PCDH15: variants seen among roughly 807,000 people sequenced by gnomAD.
PCDH15 encodes the protein protocadherin related 15, also known as protocadherin-15.
PCDH15 carries 129 observed loss-of-function variants against 178.5 expected under a neutral mutation model. The ratio of observed to expected loss-of-function variants is 0.72; its 90% confidence interval spans 0.63 to 0.84. The LOEUF (loss-of-function observed/expected upper bound fraction) is 0.84. PCDH15 is among the 40% of genes least tolerant of loss of function. The pLI is 0.00. For missense variants in PCDH15, 2,230 were observed against 2,099.9 expected (o/e 1.06, Z -1.21); for synonymous variants, 800 against 732.0 (o/e 1.09, Z -1.50).
chr10:55,257,255 T>TA (rs1321662158), intron 1 of PCDH15, among the ~76,000 whole-genome samples: 4 of 152,080 alleles, frequency 2.6e-5, no homozygotes, highest in Admixed American at 2.0e-4. Context: ...CAAAGGTAGA[T>TA]AAAACCACAA....
intron 2 of PCDH15, among the ~76,000 whole-genome samples, chr10:54,560,003 G>A (rs2087888091): frequency 6.6e-6 from 1 of 151,930 alleles, no homozygotes; most frequent in Non-Finnish European, 1.5e-5. Flanking sequence ...TGTCTATTGG[G>A]AAAAGAGATC....
intron 1 of PCDH15, among the ~76,000 whole-genome samples, chr10:54,666,928 C>T (rs1279020651): frequency 1.3e-5 from 2 of 151,878 alleles, no homozygotes; most frequent in Non-Finnish European, 2.9e-5. Context: ...ATAAAAACAA[C>T]ATGATGGATC....
chr10:54,607,260 T>G (rs2092783323), intron 2 of PCDH15, among the ~76,000 whole-genome samples: 1 of 152,110 alleles, frequency 6.6e-6, no homozygotes, highest in Admixed American at 6.6e-5. Flanking sequence ...AAGATAATTA[T>G]AAGATTTAAA....
At chr10:55,284,048 T>C (rs1305388247) in intron 1 of PCDH15, among the ~76,000 whole-genome samples, 1 of 152,170 alleles carries the variant, frequency 6.6e-6, no homozygotes, top group Non-Finnish European at 1.5e-5. Context: ...GGAGTTCTCT[T>C]GTGAAACCCA....
At chr10:55,541,138 T>C (rs1377065611) in intron 2 of PCDH15, among the ~76,000 whole-genome samples, 1 of 152,076 alleles carries the variant, frequency 6.6e-6, no homozygotes, top group African/African-American at 2.4e-5. Context: ...TAAGAATACA[T>C]ATTCATTACT....
chr10:55,265,813 A>G (rs1363660660), intron 1 of PCDH15, among the ~76,000 whole-genome samples: 2 of 152,084 alleles, frequency 1.3e-5, no homozygotes, highest in South Asian at 2.1e-4. Flanking sequence ...TACATGCATT[A>G]CTCAGGCAGC....
chr10:55,110,994 G>A (rs758473025), intron 2 of PCDH15, among the ~76,000 whole-genome samples: 131 of 152,156 alleles, frequency 8.6e-4, no homozygotes, highest in Non-Finnish European at 6.9e-4. Flanking sequence ...CAATTAGACT[G>A]TAAATATAAA....
chr10:54,307,104 GTA>G (rs1170885233), intron 8 of PCDH15, among the ~76,000 whole-genome samples: 462 of 26,536 alleles, frequency 0.017, 67 homozygotes, highest in Middle Eastern at 0.019. Flanking sequence ...GTGTGTGTGT[GTA>G]TATATATATA....
At chr10:54,835,128 ACTC>A (rs1275071436) in intron 3 of PCDH15, among the ~76,000 whole-genome samples, 1 of 152,188 alleles carries the variant, frequency 6.6e-6, no homozygotes. Flanking sequence ...TTGGTCACCC[ACTC>A]AATAATAATA....
intron 2 of PCDH15, among the ~76,000 whole-genome samples, chr10:54,910,369 C>T (rs573341563): frequency 1.3e-5 from 2 of 152,220 alleles, no homozygotes; most frequent in Admixed American, 6.5e-5. Context: ...AAAGATAAAC[C>T]GGAATTACAA....
chr10:54,343,838 A>G (rs1942734096), intron 6 of PCDH15, among the ~76,000 whole-genome samples: 1 of 149,732 alleles, frequency 6.7e-6, no homozygotes, highest in Admixed American at 6.7e-5. Context: ...TTGAAACATA[A>G]AAAAAAAGAT....
At chr10:53,922,403 G>T (rs772217136) in intron 25 of PCDH15, among the ~76,000 whole-genome samples, 1 of 152,070 alleles carries the variant, frequency 6.6e-6, no homozygotes, top group South Asian at 2.1e-4. Context: ...CCCTTATGAG[G>T]TGTAGACATA....
chr10:54,424,862 G>A (rs537229576), intron 3 of PCDH15, among the ~76,000 whole-genome samples: 2 of 127,782 alleles, frequency 1.6e-5, no homozygotes, highest in Non-Finnish European at 3.2e-5. Flanking sequence ...CCCGTCAAGC[G>A]GTGGGGGGAG....
chr10:55,342,234 ATC>A (rs1844622663), intron 2 of PCDH15, among the ~76,000 whole-genome samples: 4 of 151,734 alleles, frequency 2.6e-5, no homozygotes, highest in Admixed American at 2.6e-4. Context: ...ATTTCTTTAG[ATC>A]AATTATAGGA....
chr10:53,881,617 A>T (rs755753079), intron 26 of PCDH15, among the ~76,000 whole-genome samples: 1 of 152,204 alleles, frequency 6.6e-6, no homozygotes, highest in South Asian at 2.1e-4. Context: ...TTAGACATAC[A>T]TAATTTTTAA....
chr10:54,052,870 G>A (rs11593709), intron 18 of PCDH15, among the ~76,000 whole-genome samples: 25,492 of 152,078 alleles, frequency 0.17, 2,571 homozygotes, highest in Non-Finnish European at 0.23. Context: ...TTACCTCCAT[G>A]CTGTTCTCAT....
intron 9 of PCDH15, 135 bp downstream of exon 9, chr10:54,236,688 T>C: frequency 1.3e-6 from 1 of 761,726 alleles, no homozygotes; most frequent in South Asian, 1.6e-5. Flanking sequence ...ATTTTTAAAA[T>C]GTGTTTATAC....
chr10:54,684,412 T>C (rs2094957367), intron 1 of PCDH15, among the ~76,000 whole-genome samples: 1 of 151,968 alleles, frequency 6.6e-6, no homozygotes, highest in Non-Finnish European at 1.5e-5. Flanking sequence ...ATTTGGATGT[T>C]TACACTGAAT....
intron 2 of PCDH15, among the ~76,000 whole-genome samples, chr10:55,565,858 A>G (rs566836240): frequency 2.0e-5 from 3 of 151,804 alleles, no homozygotes; most frequent in African/African-American, 7.2e-5. Context: ...ATATCTCCTG[A>G]CAACAAAAGC....
Sources: allele counts gnomAD v4.1 joint callset (sites outside exome capture counted in the v4.1 genomes callset), GRCh38; gene constraint gnomAD v4.1.1; transcripts MANE v1.5; gene names NCBI Gene and HGNC (gene_info 2026-07-23, HGNC 2026-07-21).